Variants in SCMH1 observed in about 807,000 individuals in gnomAD.
SCMH1 encodes the protein Scm polycomb group protein homolog 1.
A neutral mutation model predicts 70.8 loss-of-function variants in SCMH1; 37 were observed. The ratio of observed to expected loss-of-function variants is 0.52; its 90% confidence interval spans 0.40 to 0.69. SCMH1 has a LOEUF of 0.69. Among genes scored for constraint, SCMH1 ranks in the 30% least tolerant of loss-of-function variants. SCMH1 has a pLI of 0.00. For synonymous variants in SCMH1, 292 were observed against 307.4 expected (o/e 0.95, Z 0.52); for missense variants, 607 against 827.3 (o/e 0.73, Z 3.27).
At chr1:41,048,984 C>T (rs1450658654) in intron 10 of SCMH1, 94 bp from the exon 11 acceptor site, 5 of 1,164,322 alleles carry the variant, frequency 4.3e-6, no homozygotes, top group South Asian at 1.5e-5. Flanking sequence ...ACCTTGGCCT[C>T]TGGTTCCTAA....
chr1:41,079,562 C>T (rs193056060), intron 8 of SCMH1, among the ~76,000 whole-genome samples: 8 of 152,272 alleles, frequency 5.3e-5, no homozygotes, highest in African/African-American at 1.9e-4. Context: ...TACGCAGAGA[C>T]AATTTCATCA....
chr1:41,046,462 A>T (rs1466203918), exon 12 of SCMH1: 1 of 1,614,138 alleles, frequency 6.2e-7, no homozygotes, highest in South Asian at 1.1e-5. Flanking sequence ...GTGACAAGTG[A>T]GTCTGTGTAA....
At chr1:41,153,986 CTA>C (rs1645295746) in intron 4 of SCMH1, among the ~76,000 whole-genome samples, 1 of 152,206 alleles carries the variant, frequency 6.6e-6, no homozygotes, top group Non-Finnish European at 1.5e-5. Context: ...GCCATACAGT[CTA>C]TGTCATAGCT....
intron 2 of SCMH1, among the ~76,000 whole-genome samples, chr1:41,176,478 G>T (rs1334011828): frequency 6.6e-6 from 1 of 152,210 alleles, no homozygotes; most frequent in African/African-American, 2.4e-5. Context: ...AAGTGCAAGG[G>T]GTCAGGGAAT....
intron 9 of SCMH1, among the ~76,000 whole-genome samples, chr1:41,072,565 CAA>C (rs1373786032): frequency 2.6e-5 from 4 of 152,034 alleles, no homozygotes; most frequent in African/African-American, 7.2e-5. Flanking sequence ...TACTCTGCTT[CAA>C]AAAGAGATAT....
Position 41,071,149 on chromosome 1 carries a change from C to T in SCMH1, c.979-428G>A, listed in dbSNP as rs564286111. Among the ~76,000 whole-genome samples, 3 of 152,266 alleles carry T rather than the reference C, an allele frequency of 2.0e-5. No homozygotes were observed. The East Asian group carries it at 5.8e-4, about 29-fold the overall frequency. On this transcript the variant is annotated intron_variant, in intron 9 of 14. Transcript: ENST00000337495. Reference sequence around the variant, plus strand: ...CCTTCTAACTCTACAAACAACTTTACTCTGTCTGCCTCTCTCTTCACCTCA... The same window carrying T: ...CCTTCTAACTCTACAAACAACTTTATTCTGTCTGCCTCTCTCTTCACCTCA...
chr1:41,038,355 C>G (rs749630672), intron 12 of SCMH1, among the ~76,000 whole-genome samples: 1 of 152,160 alleles, frequency 6.6e-6, no homozygotes, highest in Admixed American at 6.5e-5. Flanking sequence ...TGGGTTCTAC[C>G]CAAACCAAAT....
At chr1:41,239,011 T>C (rs547754906) in intron 1 of SCMH1, among the ~76,000 whole-genome samples, 9 of 152,214 alleles carry the variant, frequency 5.9e-5, no homozygotes, top group African/African-American at 1.9e-4. Flanking sequence ...TAAAGCCTTA[T>C]ACATTTTCTC....
intron 1 of SCMH1, among the ~76,000 whole-genome samples, chr1:41,211,277 G>A (rs1364236133): frequency 6.6e-6 from 1 of 152,040 alleles, no homozygotes; most frequent in East Asian, 1.9e-4. Flanking sequence ...TCTGACAAAG[G>A]GCTAATATAC....
chr1:41,127,034 CCTCAAG>C (rs1264496064), intron 6 of SCMH1, among the ~76,000 whole-genome samples: 2 of 152,118 alleles, frequency 1.3e-5, no homozygotes, highest in Non-Finnish European at 2.9e-5. Flanking sequence ...CTTGCTGTCT[CCTCAAG>C]CTTTGGAATT....
chr1:41,128,489 A>G (rs1244010892), intron 6 of SCMH1, among the ~76,000 whole-genome samples: 1 of 152,128 alleles, frequency 6.6e-6, no homozygotes, highest in Non-Finnish European at 1.5e-5. Flanking sequence ...GCTCCACTGT[A>G]TTCTGGCTTG....
intron 8 of SCMH1, among the ~76,000 whole-genome samples, chr1:41,112,018 G>A (rs1402145803): frequency 2.0e-5 from 3 of 151,778 alleles, no homozygotes; most frequent in African/African-American, 7.3e-5. Context: ...TATTTCAATA[G>A]GGCTATTAAA....
chr1:41,191,138 G>C (rs1651626989), intron 1 of SCMH1, among the ~76,000 whole-genome samples: 1 of 152,210 alleles, frequency 6.6e-6, no homozygotes, highest in Non-Finnish European at 1.5e-5. Context: ...GCCTCCCAAA[G>C]TTCTGGGATT....
Position 41,084,201 on chromosome 1 carries a change from G to A in SCMH1, c.746-8750C>T, listed in dbSNP as rs1394218319. ...AGAGTGAACAGGCAACCTACAAAAT[G>A]GGAGAAAATTTTCGCAACCTATTCA... On this transcript the variant is annotated intron_variant, in intron 8 of 14. Coordinates refer to ENST00000337495, the Ensembl canonical transcript of SCMH1. Among the ~76,000 whole-genome samples the A allele has an allele frequency of 7.9e-5, 12 of 152,138 alleles. No individual in the cohort carries two copies. In the East Asian group the frequency reaches 2.3e-3, roughly 29 times the overall value.
intron 1 of SCMH1, among the ~76,000 whole-genome samples, chr1:41,237,625 AAT>A (rs1662653967): frequency 6.6e-6 from 1 of 152,186 alleles, no homozygotes; most frequent in Non-Finnish European, 1.5e-5. Context: ...TTACAAATAC[AAT>A]ACTCAAACCT....
At chr1:41,195,691 CAT>C (rs1467212707) in intron 1 of SCMH1, among the ~76,000 whole-genome samples, 2 of 152,126 alleles carry the variant, frequency 1.3e-5, no homozygotes, top group Non-Finnish European at 2.9e-5. Flanking sequence ...TTCTATTAAA[CAT>C]AGTACTGGAA....
Position 41,187,905 on chromosome 1 carries a change from T to G in SCMH1, c.-117-1655A>C, listed in dbSNP as rs193036257. ...GGGAGGTTAAGGCAGGAGGATCACC[T>G]GAGCTCAGGAGGTCAAGGCTGCAGT... On this transcript the variant is annotated intron_variant, in intron 1 of 14. Coordinates refer to ENST00000337495, the Ensembl canonical transcript of SCMH1. Among the ~76,000 whole-genome samples, 644 of 152,172 alleles carry G rather than the reference T, an allele frequency of 4.2e-3. 6 individuals carry two copies. Among genetic ancestry groups the G allele is most frequent in the African/African-American group, 0.015 (616 of 41,516 alleles).
intron 1 of SCMH1, among the ~76,000 whole-genome samples, chr1:41,199,320 G>C (rs937695817): frequency 5.3e-5 from 8 of 152,090 alleles, no homozygotes; most frequent in African/African-American, 1.7e-4. Context: ...CTCCACCTAA[G>C]AGTAGCCATT....
At chr1:41,120,787 T>G (rs1671729119) in intron 6 of SCMH1, among the ~76,000 whole-genome samples, 1 of 152,190 alleles carries the variant, frequency 6.6e-6, no homozygotes, top group African/African-American at 2.4e-5. Context: ...CTAAGAAACT[T>G]GTTCATGGTC....
Sources: allele counts gnomAD v4.1 joint callset (sites outside exome capture counted in the v4.1 genomes callset), GRCh38; gene constraint gnomAD v4.1.1; transcripts MANE v1.5; gene names NCBI Gene and HGNC (gene_info 2026-07-23, HGNC 2026-07-21).